Variants in CUBN observed in about 807,000 individuals in gnomAD.
CUBN encodes the protein 460 kDa receptor.
CUBN carries 282 observed loss-of-function variants against 405.3 expected under a neutral mutation model. The observed-to-expected ratio is 0.70, with a 90% CI of 0.63 to 0.77. CUBN has a LOEUF of 0.77. CUBN is among the 30% of genes least tolerant of loss of function. The probability of loss-of-function intolerance (pLI) is 0.00; values close to 1 mark genes in which losing one functional copy is unlikely to be tolerated. For synonymous variants in CUBN, 1,684 were observed against 1,617.0 expected (o/e 1.04, Z -0.99); for missense variants, 4,514 against 4,475.2 (o/e 1.01, Z -0.25).
At chr10:17,024,570 A>G (rs1834602571) in intron 27 of CUBN, among the ~76,000 whole-genome samples, 1 of 152,098 alleles carries the variant, frequency 6.6e-6, no homozygotes, top group Non-Finnish European at 1.5e-5. Context: ...CAGTGGTGCA[A>G]TAAGGTTAAC....
chr10:16,935,413 C>T (rs1206515379), intron 39 of CUBN, among the ~76,000 whole-genome samples: 1 of 152,066 alleles, frequency 6.6e-6, no homozygotes, highest in Non-Finnish European at 1.5e-5. Flanking sequence ...CTCAGCCTCC[C>T]AAAGTGCTGG....
At chr10:16,881,367 CA>C (rs1422974015) in intron 56 of CUBN, among the ~76,000 whole-genome samples, 5 of 152,114 alleles carry the variant, frequency 3.3e-5, no homozygotes, top group Admixed American at 2.0e-4. Flanking sequence ...ATTATGTTGA[CA>C]AATAGTTGAT....
Position 17,128,724 on chromosome 10 carries a change from T to C in CUBN, c.252+397A>G, listed in dbSNP as rs543109791. ...ACATGTCTGATGCCCAATTATGTTC[T>C]CTATGCTAAAGATTCAAGGTACACT... On this transcript the variant is annotated intron_variant, in intron 2 of 66. Coordinates refer to ENST00000377833, the MANE Select transcript of CUBN (RefSeq NM_001081.4). Among the ~76,000 whole-genome samples the C allele has an allele frequency of 4.6e-5, 7 of 152,246 alleles. No homozygotes were observed. The South Asian group carries it at 1.0e-3, about 23-fold the overall frequency.
At chr10:16,843,500 A>C (rs1839420248) in intron 60 of CUBN, among the ~76,000 whole-genome samples, 1 of 152,178 alleles carries the variant, frequency 6.6e-6, no homozygotes, top group Admixed American at 6.5e-5. Context: ...GATTTTAGTT[A>C]ATTCAGAATC....
intron 29 of CUBN, among the ~76,000 whole-genome samples, chr10:16,986,898 T>G (rs1438711201): frequency 6.6e-6 from 1 of 152,222 alleles, no homozygotes; most frequent in Non-Finnish European, 1.5e-5. Context: ...CGGCAAAATA[T>G]TCTTTGTTTT....
intron 54 of CUBN, among the ~76,000 whole-genome samples, chr10:16,897,209 G>A (rs1185471002): frequency 2.0e-5 from 3 of 152,080 alleles, no homozygotes; most frequent in African/African-American, 4.8e-5. Context: ...CTGATACAAC[G>A]TGTTCTTTCT....
intron 31 of CUBN, among the ~76,000 whole-genome samples, chr10:16,965,222 C>T (rs1843354267): frequency 6.6e-6 from 1 of 152,186 alleles, no homozygotes; most frequent in African/African-American, 2.4e-5. Context: ...TGAAATTTCC[C>T]CTGCCTTCCA....
chr10:16,855,600 T>C (rs150856250), intron 59 of CUBN, among the ~76,000 whole-genome samples: 28 of 152,304 alleles, frequency 1.8e-4, no homozygotes, highest in African/African-American at 6.7e-4. Flanking sequence ...CGTGGACCCA[T>C]AAGTGATAAA....
At chr10:17,001,163 G>A (rs548642237) in intron 28 of CUBN, among the ~76,000 whole-genome samples, 62 of 152,212 alleles carry the variant, frequency 4.1e-4, no homozygotes, top group Non-Finnish European at 7.9e-4. Context: ...CTGGCTTCAG[G>A]AGTGAAGGTG....
Position 16,897,226 on chromosome 10 carries a change from A to C in CUBN, c.8598+1770T>G, listed in dbSNP as rs530327362. On this transcript the variant is annotated intron_variant, in intron 54 of 66. Transcript: ENST00000377833. ...GATACAACGTGTTCTTTCTGATTGT[A>C]CCCAGGACATGTCATTTATTATGTT... Among the ~76,000 whole-genome samples, 15 of 152,272 alleles carry C rather than the reference A, an allele frequency of 9.9e-5. No homozygotes were observed. The East Asian group carries it at 2.7e-3, about 27-fold the overall frequency.
In CUBN at chr10:17,071,978, A is replaced by G; in HGVS notation, c.2302-7T>C. The G allele has an allele frequency of 6.2e-7, 1 of 1,607,464 alleles. No homozygotes were observed. Among genetic ancestry groups the G allele is most frequent in the African/African-American group, 1.3e-5 (1 of 74,880 alleles). ...AGGTTTCACCATCTCGAACCTAAAG[A>G]GAAAAATAAAATAGAGATGTAATTC... On this transcript the variant is annotated splice_polypyrimidine_tract_variant and splice_region_variant and intron_variant, in intron 17 of 66. Coordinates refer to ENST00000377833, the MANE Select transcript of CUBN (RefSeq NM_001081.4).
At chr10:16,873,369 A>G (rs1008329887) in intron 58 of CUBN, among the ~76,000 whole-genome samples, 1 of 152,222 alleles carries the variant, frequency 6.6e-6, no homozygotes, top group African/African-American at 2.4e-5. Flanking sequence ...CTCTCATAGC[A>G]TCAGTTTAGA....
At chr10:17,092,155 C>T (rs1381216546) in intron 14 of CUBN, among the ~76,000 whole-genome samples, 1 of 152,146 alleles carries the variant, frequency 6.6e-6, no homozygotes, top group African/African-American at 2.4e-5. Context: ...GTGGATATCA[C>T]CTTTTATCAG....
intron 24 of CUBN, among the ~76,000 whole-genome samples, chr10:17,045,533 T>A (rs1835113540): frequency 6.6e-6 from 1 of 151,950 alleles, no homozygotes; most frequent in African/African-American, 2.4e-5. Flanking sequence ...CTAATTTTTG[T>A]ATTTTTAGTA....
At chr10:16,989,372 T>C (rs1270817972) in intron 29 of CUBN, among the ~76,000 whole-genome samples, 2 of 148,220 alleles carry the variant, frequency 1.3e-5, no homozygotes, top group East Asian at 1.9e-4. Flanking sequence ...ATATTAATTA[T>C]TGTAATTATT....
chr10:16,917,580 C>A (rs1386342165), intron 45 of CUBN, among the ~76,000 whole-genome samples: 2 of 151,982 alleles, frequency 1.3e-5, no homozygotes, highest in South Asian at 2.1e-4. Context: ...GAACATGAAA[C>A]CATGGATAAG....
intron 59 of CUBN, among the ~76,000 whole-genome samples, chr10:16,861,725 A>G (rs1466571013): frequency 2.6e-5 from 4 of 152,160 alleles, no homozygotes; most frequent in Admixed American, 2.6e-4. Flanking sequence ...CCACTGCACC[A>G]TAATTCAGGA....
chr10:16,840,018 G>C (rs1345300077), intron 62 of CUBN, among the ~76,000 whole-genome samples: 1 of 144,542 alleles, frequency 6.9e-6, no homozygotes, highest in African/African-American at 2.6e-5. Flanking sequence ...TTGAACAATC[G>C]GAACACATGG....
chr10:16,956,826 A>C (rs1333782066), intron 31 of CUBN, among the ~76,000 whole-genome samples: 1 of 152,084 alleles, frequency 6.6e-6, no homozygotes, highest in Non-Finnish European at 1.5e-5. Context: ...TTTCATTTTT[A>C]TAAAAGTTTA....
Sources: gnomAD v4.1 joint callset for allele counts (sites outside exome capture counted in the v4.1 genomes callset) on GRCh38, gnomAD v4.1.1 for gene constraint, MANE v1.5 for transcripts, NCBI Gene and HGNC (gene_info 2026-07-23, HGNC 2026-07-21) for gene names.